The following MYL10 variants were observed in gnomAD, a reference collection of about 807,000 sequenced individuals.
MYL10 encodes myosin regulatory light chain 10.
In MYL10, 18 loss-of-function variants were observed where a neutral mutation model predicts 21.9. The ratio of observed to expected loss-of-function variants is 0.82; its 90% CI spans 0.57 to 1.22. The LOEUF is 1.22. MYL10 is among the 50% of genes most tolerant of loss of function. MYL10 has a pLI of 0.00. For synonymous variants in MYL10, 88 were observed against 82.8 expected (o/e 1.06, Z -0.34); for missense variants, 225 against 230.4 (o/e 0.98, Z 0.15).
At chr7:101,625,050 TGC>T (rs1450265585) in intron 1 of MYL10, among the ~76,000 whole-genome samples, 130 of 152,306 alleles carry the variant, frequency 8.5e-4, no homozygotes, top group African/African-American at 3.1e-3. Flanking sequence ...AAACCCACTT[TGC>T]CCCATCTCTG....
chr7:101,620,074 C>A (rs866019332), intron 5 of MYL10, among the ~76,000 whole-genome samples: 1 of 151,924 alleles, frequency 6.6e-6, no homozygotes, highest in Non-Finnish European at 1.5e-5. Context: ...ATAATCCCAG[C>A]AGTTTGGGAG....
intron 1 of MYL10, among the ~76,000 whole-genome samples, chr7:101,627,882 C>G (rs1304393229): frequency 6.6e-6 from 1 of 152,218 alleles, no homozygotes; most frequent in Non-Finnish European, 1.5e-5. Flanking sequence ...CCCATGCTGG[C>G]TGGGACCCAC....
intron 5 of MYL10, among the ~76,000 whole-genome samples, chr7:101,620,944 A>G (rs1796670656): frequency 6.6e-6 from 1 of 151,844 alleles, no homozygotes; most frequent in South Asian, 2.1e-4. Context: ...ACCCACCACC[A>G]TGCCCAGCTA....
chr7:101,616,793 G>A (rs1381804138), intron 5 of MYL10, among the ~76,000 whole-genome samples: 1 of 152,204 alleles, frequency 6.6e-6, no homozygotes, highest in Non-Finnish European at 1.5e-5. Context: ...AAAAGGCTGG[G>A]GCTTGGGCAG....
At chr7:101,627,125 C>G (rs1282402698) in intron 1 of MYL10, among the ~76,000 whole-genome samples, 1 of 145,798 alleles carries the variant, frequency 6.9e-6, no homozygotes, top group Non-Finnish European at 1.5e-5. Context: ...AACCCCGTCT[C>G]TACCAAAAAT....
intron 1 of MYL10, among the ~76,000 whole-genome samples, chr7:101,626,498 C>T (rs1016805153): frequency 6.6e-6 from 1 of 152,184 alleles, no homozygotes; most frequent in African/African-American, 2.4e-5. Context: ...GAGGGACTAA[C>T]TAATGAGGCA....
intron 5 of MYL10, among the ~76,000 whole-genome samples, chr7:101,620,158 C>G (rs1796660437): frequency 6.6e-6 from 1 of 152,004 alleles, no homozygotes; most frequent in East Asian, 1.9e-4. Context: ...GGTATCTCTA[C>G]TAAAAATACA....
intron 4 of MYL10, 56 bp downstream of exon 4, chr7:101,622,941 G>A (rs567505879): frequency 1.6e-5 from 25 of 1,537,436 alleles, no homozygotes; most frequent in Middle Eastern, 1.7e-4. Flanking sequence ...GGCCCCAACC[G>A]CCCACTCTGT....
chr7:101,622,913 C>A, intron 4 of MYL10, 84 bp downstream of exon 4: 1 of 1,299,762 alleles, frequency 7.7e-7, no homozygotes, highest in Non-Finnish European at 1.1e-6. Flanking sequence ...TCACGCTCAC[C>A]GCGAGCCCTG....
chr7:101,625,683 G>C (rs1422438253), intron 1 of MYL10, among the ~76,000 whole-genome samples: 1 of 152,172 alleles, frequency 6.6e-6, no homozygotes, highest in East Asian at 1.9e-4. Flanking sequence ...CTTTGAAAGG[G>C]GGCTGCCAGG....
At chr7:101,626,617 G>A (rs948138723) in intron 1 of MYL10, among the ~76,000 whole-genome samples, 1 of 152,184 alleles carries the variant, frequency 6.6e-6, no homozygotes, top group African/African-American at 2.4e-5. Context: ...AGGCAAAGGT[G>A]AACAGGGGGA....
At chr7:101,617,284 G>A (rs887907423) in intron 5 of MYL10, among the ~76,000 whole-genome samples, 16 of 152,242 alleles carry the variant, frequency 1.1e-4, no homozygotes, top group Non-Finnish European at 2.2e-4. Context: ...AGGTTTTAAC[G>A]AACATGGGTT....
intron 1 of MYL10, among the ~76,000 whole-genome samples, chr7:101,624,632 G>A (rs1161569632): frequency 6.6e-6 from 1 of 152,044 alleles, no homozygotes; most frequent in Non-Finnish European, 1.5e-5. Context: ...TGACCTTATC[G>A]CCAGCTGCTA....
At chr7:101,614,041 G>A (rs962971516) in intron 6 of MYL10, among the ~76,000 whole-genome samples, 22 of 152,156 alleles carry the variant, frequency 1.4e-4, no homozygotes, top group South Asian at 2.1e-4. Context: ...GTCCCCCACC[G>A]CAGAGCCTCT....
intron 5 of MYL10, among the ~76,000 whole-genome samples, chr7:101,616,865 A>C (rs907748419): frequency 6.6e-6 from 1 of 152,268 alleles, no homozygotes; most frequent in Non-Finnish European, 1.5e-5. Flanking sequence ...GTGGGCCAAC[A>C]GGCCAAGGGA....
intron 5 of MYL10, among the ~76,000 whole-genome samples, chr7:101,621,446 T>C (rs1277282659): frequency 6.6e-6 from 1 of 151,782 alleles, no homozygotes; most frequent in East Asian, 1.9e-4. Context: ...GGAAACACCC[T>C]CCCTCCGGCA....
chr7:101,613,661 C>T lies in MYL10; in HGVS notation c.582+1G>A, dbSNP rs753471482. The T allele has an allele frequency of 6.2e-7, 1 of 1,614,152 alleles. No homozygotes were observed. The highest frequency in any genetic ancestry group is 8.5e-7 in the Non-Finnish European group (1 of 1,180,004). Reference sequence around the variant, plus strand: ...CGTGACCCACCAGAATCCCAGTTTACCTCCTCCTCACTGAAGCGGTCTGCC... The same window carrying T: ...CGTGACCCACCAGAATCCCAGTTTATCTCCTCCTCACTGAAGCGGTCTGCC... On this transcript the variant is annotated splice_donor_variant, in intron 7 of 7. Transcript: ENST00000223167. LOFTEE classifies it high-confidence loss of function.
chr7:101,623,128 CCCCAG>C, intron 3 of MYL10, 56 bp from the exon 4 acceptor site: 1 of 1,531,034 alleles, frequency 6.5e-7, no homozygotes, highest in Non-Finnish European at 9.0e-7. Flanking sequence ...CGGCCACCTC[CCCCAG>C]GGACCGTCCT....
At chr7:101,624,795 G>A (rs907086680) in intron 1 of MYL10, among the ~76,000 whole-genome samples, 13 of 152,058 alleles carry the variant, frequency 8.5e-5, no homozygotes, top group Non-Finnish European at 1.5e-4. Flanking sequence ...GCCCCTGCCT[G>A]GAATGCGTTG....
Sources: allele counts gnomAD v4.1 joint callset (sites outside exome capture counted in the v4.1 genomes callset), GRCh38; gene constraint gnomAD v4.1.1; transcripts MANE v1.5; gene names NCBI Gene and HGNC (gene_info 2026-07-23, HGNC 2026-07-21).